Variants in PTPRK observed in about 807,000 individuals in gnomAD.
PTPRK encodes the protein protein tyrosine phosphatase receptor type K, also known as receptor-type tyrosine-protein phosphatase kappa.
In PTPRK, 75 loss-of-function variants were observed where a neutral mutation model predicts 178.0. The observed-to-expected ratio is 0.42, with a 90% CI of 0.35 to 0.51. The LOEUF is 0.51. PTPRK is among the 20% of genes least tolerant of loss of function. The probability of loss-of-function intolerance (pLI) is 0.02; values close to 1 mark genes in which losing one functional copy is unlikely to be tolerated. For missense variants in PTPRK, 1,441 were observed against 1,797.8 expected (o/e 0.80, Z 3.59); for synonymous variants, 637 against 620.6 (o/e 1.03, Z -0.39).
At chr6:128,478,151 AAGC>A (rs1459634975) in intron 1 of PTPRK, among the ~76,000 whole-genome samples, 6 of 152,146 alleles carry the variant, frequency 3.9e-5, no homozygotes, top group Non-Finnish European at 8.8e-5. Flanking sequence ...TGGGGAAAAA[AAGC>A]AGAACAAAGA....
intron 1 of PTPRK, among the ~76,000 whole-genome samples, chr6:128,417,575 TA>T (rs1842985636): frequency 6.6e-6 from 1 of 152,238 alleles, no homozygotes; most frequent in Admixed American, 6.5e-5. Context: ...TGCATATCAT[TA>T]AAGGTTCTTT....
At chr6:128,330,614 G>A (rs538376706) in intron 2 of PTPRK, among the ~76,000 whole-genome samples, 1 of 152,076 alleles carries the variant, frequency 6.6e-6, no homozygotes, top group Non-Finnish European at 1.5e-5. Context: ...AAATAGAATG[G>A]AATCCTAGCA....
At chr6:128,087,947 T>C (rs1786214879) in intron 8 of PTPRK, among the ~76,000 whole-genome samples, 1 of 152,186 alleles carries the variant, frequency 6.6e-6, no homozygotes, top group African/African-American at 2.4e-5. Context: ...TTGTAAAAAC[T>C]ATGGCATAAT....
intron 5 of PTPRK, among the ~76,000 whole-genome samples, chr6:128,227,829 T>C (rs887437837): frequency 2.0e-5 from 3 of 151,980 alleles, no homozygotes; most frequent in African/African-American, 7.3e-5. Context: ...AGAAATGAAA[T>C]GACAATTAAG....
At chr6:128,508,299 G>T (rs17055936) in intron 1 of PTPRK, among the ~76,000 whole-genome samples, 1 of 152,044 alleles carries the variant, frequency 6.6e-6, no homozygotes, top group Admixed American at 6.6e-5. Flanking sequence ...GGCACAGCAT[G>T]GGCACATAGT....
At chr6:128,063,589 T>A (rs116241356) in intron 13 of PTPRK, 115 of 152,288 alleles carry the variant, frequency 7.6e-4, no homozygotes, top group African/African-American at 2.7e-3. Context: ...AAATTTCAAC[T>A]CTCGTTCCTG....
chr6:128,125,664 C>T (rs1472114921), intron 7 of PTPRK, among the ~76,000 whole-genome samples: 2 of 122,488 alleles, frequency 1.6e-5, no homozygotes, highest in African/African-American at 3.3e-5. Context: ...GGCTGGAGTG[C>T]AGTAGCTCAA....
At position 128,273,948 on chromosome 6, in the gene PTPRK, G is replaced by A. The variant is rs73772022; in HGVS notation, c.496-31346C>T. Among the ~76,000 whole-genome samples the A allele has an allele frequency of 6.4e-3, 971 of 152,146 alleles. 13 individuals are homozygous for A. Among genetic ancestry groups the A allele is most frequent in the Middle Eastern group, 0.017 (5 of 294 alleles). The stretch of plus-strand genomic sequence containing the variant: ...CCTTTTCACCAAATACATACATACA[G>A]AGATAAGCGATGTGCCTTTTTATTA... On this transcript the variant is annotated intron_variant, in intron 3 of 29. Transcript: ENST00000368226.
chr6:128,303,924 G>A (rs1388174230), intron 3 of PTPRK, among the ~76,000 whole-genome samples: 2 of 152,174 alleles, frequency 1.3e-5, no homozygotes, highest in Non-Finnish European at 2.9e-5. Context: ...AAACAACAGA[G>A]TTTACCCTAC....
chr6:128,448,223 C>A (rs1040235407), intron 1 of PTPRK, among the ~76,000 whole-genome samples: 2 of 152,158 alleles, frequency 1.3e-5, no homozygotes, highest in African/African-American at 4.8e-5. Context: ...AGATACTTCA[C>A]AAATGCTTCT....
chr6:128,400,686 C>A (rs1840903114), intron 1 of PTPRK, among the ~76,000 whole-genome samples: 1 of 152,078 alleles, frequency 6.6e-6, no homozygotes, highest in African/African-American at 2.4e-5. Flanking sequence ...TCCTATTGAC[C>A]ATTTAGGACT....
intron 1 of PTPRK, among the ~76,000 whole-genome samples, chr6:128,482,105 G>A (rs999474216): frequency 1.3e-5 from 2 of 152,038 alleles, no homozygotes; most frequent in Non-Finnish European, 2.9e-5. Flanking sequence ...TTGTTTTTAG[G>A]ACTTGCCCCT....
chr6:128,467,298 A>G (rs1373781286), intron 1 of PTPRK, among the ~76,000 whole-genome samples: 1 of 152,180 alleles, frequency 6.6e-6, no homozygotes, highest in African/African-American at 2.4e-5. Context: ...CAGTGTTAAC[A>G]ATGGCAAATC....
intron 1 of PTPRK, among the ~76,000 whole-genome samples, chr6:128,404,120 C>T (rs1841369648): frequency 6.6e-6 from 1 of 152,178 alleles, no homozygotes; most frequent in African/African-American, 2.4e-5. Flanking sequence ...AACCAAGAAC[C>T]TTTAACTTCT....
chr6:128,080,090 A>G (rs1444225424), intron 10 of PTPRK, among the ~76,000 whole-genome samples: 1 of 151,946 alleles, frequency 6.6e-6, no homozygotes, highest in African/African-American at 2.4e-5. Context: ...AGGGTGTCTA[A>G]TGATGTTTAA....
At chr6:128,108,654 T>C (rs1451723812) in intron 7 of PTPRK, among the ~76,000 whole-genome samples, 1 of 152,134 alleles carries the variant, frequency 6.6e-6, no homozygotes. Context: ...AATCTGGAAA[T>C]TGTAAGTAAT....
At chr6:128,009,912 A>T (rs1378159115) in intron 13 of PTPRK, among the ~76,000 whole-genome samples, 5 of 151,176 alleles carry the variant, frequency 3.3e-5, no homozygotes, top group Non-Finnish European at 7.4e-5. Flanking sequence ...GAAGATGATT[A>T]TTTTTAAAAA....
At chr6:128,379,415 G>A (rs1256188416) in intron 2 of PTPRK, among the ~76,000 whole-genome samples, 3 of 152,118 alleles carry the variant, frequency 2.0e-5, no homozygotes, top group African/African-American at 7.2e-5. Context: ...GTTACTTCGT[G>A]AGATTATAAA....
At chr6:128,469,158 A>G (rs1850281735) in intron 1 of PTPRK, among the ~76,000 whole-genome samples, 1 of 152,206 alleles carries the variant, frequency 6.6e-6, no homozygotes, top group African/African-American at 2.4e-5. Flanking sequence ...AATGACTACT[A>G]TAAGGAAGTG....
Sources: gnomAD v4.1 joint callset for allele counts (sites outside exome capture counted in the v4.1 genomes callset) on GRCh38, gnomAD v4.1.1 for gene constraint, MANE v1.5 for transcripts, NCBI Gene and HGNC (gene_info 2026-07-23, HGNC 2026-07-21) for gene names.